CEACAM19: variants seen among roughly 807,000 people sequenced by gnomAD.
CEACAM19 encodes the protein CEA cell adhesion molecule 19, also known as cell adhesion molecule CEACAM19.
A neutral mutation model predicts 37.6 loss-of-function variants in CEACAM19; 37 were observed. That is an observed-to-expected ratio of 0.98 (90% CI 0.76 to 1.29). The LOEUF (loss-of-function observed/expected upper bound fraction) is 1.29, where lower values mean the gene tolerates loss of function less well. Among genes scored for constraint, CEACAM19 ranks in the 50% most tolerant of loss-of-function variants. CEACAM19 has a pLI of 0.00. For synonymous variants in CEACAM19, 140 were observed against 149.8 expected (o/e 0.93, Z 0.48); for missense variants, 340 against 375.6 (o/e 0.91, Z 0.78).
chr19:44,668,051 TATATATAAATATATA>T (rs912007024), upstream of CEACAM19, among the ~76,000 whole-genome samples: 17 of 86,698 alleles, frequency 2.0e-4, no homozygotes, highest in African/African-American at 6.2e-4. Context: ...TATGTTTATG[TATATATAAATATATA>T]ATATATAAAT....
upstream of CEACAM19, among the ~76,000 whole-genome samples, chr19:44,670,157 T>A (rs1390393721): frequency 6.6e-6 from 1 of 151,130 alleles, no homozygotes; most frequent in African/African-American, 2.4e-5. Context: ...ATCCCATCTC[T>A]ACAAAACATA....
At chr19:44,683,377 C>T (rs1974099277) in intron 7 of CEACAM19, 60 bp from the exon 8 acceptor site, 1 of 668,178 alleles carries the variant, frequency 1.5e-6, no homozygotes, top group Non-Finnish European at 2.7e-6. Context: ...CCCTCTCTGT[C>T]TCCCCAAGAC....
At chr19:44,681,184 G>A in intron 5 of CEACAM19, 43 bp from the exon 6 acceptor site, 1 of 1,370,326 alleles carries the variant, frequency 7.3e-7, no homozygotes, top group Non-Finnish European at 1.0e-6. Context: ...GTGGCCTGTG[G>A]GGCCCATGTG....
At chr19:44,667,759 T>A (rs1371546928), upstream of CEACAM19, among the ~76,000 whole-genome samples, 1 of 74,790 alleles carries the variant, frequency 1.3e-5, no homozygotes, top group East Asian at 4.1e-4. Flanking sequence ...ATTATATAAA[T>A]TATATATATT....
intron 5 of CEACAM19, 91 bp downstream of exon 5, chr19:44,680,425 C>A: frequency 8.5e-7 from 1 of 1,177,114 alleles, no homozygotes; most frequent in Non-Finnish European, 1.2e-6. Flanking sequence ...TTCTCCCTCA[C>A]TCAGAGACCT....
upstream of CEACAM19, among the ~76,000 whole-genome samples, chr19:44,666,722 C>T (rs114484845): frequency 4.3e-3 from 646 of 151,398 alleles, 8 homozygotes; most frequent in African/African-American, 0.015. Flanking sequence ...ATCTTCCAGG[C>T]ATTAAGGAAC....
upstream of CEACAM19, among the ~76,000 whole-genome samples, chr19:44,670,781 G>GAAAAAAAAAAAA (rs74691226): frequency 1.7e-5 from 1 of 58,156 alleles, no homozygotes; most frequent in Non-Finnish European, 4.9e-5. Flanking sequence ...CCTGTCTCAA[G>GAAAAAAAAAAAA]AAAAAAAAAA....
At chr19:44,683,263 G>T in intron 7 of CEACAM19, 174 bp from the exon 8 acceptor site, 3 of 476,728 alleles carry the variant, frequency 6.3e-6, no homozygotes, top group East Asian at 3.3e-5. Flanking sequence ...TCATTTCTTG[G>T]CTCTTCCAGG....
At chr19:44,682,210 A>G (rs1424984277) in intron 6 of CEACAM19, among the ~76,000 whole-genome samples, 1 of 152,194 alleles carries the variant, frequency 6.6e-6, no homozygotes, top group African/African-American at 2.4e-5. Flanking sequence ...TGATTGCACA[A>G]CTGCACTCTG....
chr19:44,672,102 A>G, intron 1 of CEACAM19, 116 bp downstream of exon 1: 1 of 842,484 alleles, frequency 1.2e-6, no homozygotes, highest in Non-Finnish European at 1.9e-6. Flanking sequence ...TTAGAATAAG[A>G]TGGGGGAGGG....
intron 2 of CEACAM19, among the ~76,000 whole-genome samples, chr19:44,674,137 T>A (rs1007118168): frequency 6.6e-6 from 1 of 151,728 alleles, no homozygotes; most frequent in Non-Finnish European, 1.5e-5. Flanking sequence ...TGCCAGCCAC[T>A]TGGGAGGCAG....
intron 4 of CEACAM19, among the ~76,000 whole-genome samples, chr19:44,679,750 A>G (rs1974020458): frequency 6.9e-6 from 1 of 145,754 alleles, no homozygotes; most frequent in Non-Finnish European, 1.5e-5. Context: ...CTCTGTCTCA[A>G]AAAAAAAAAT....
chr19:44,674,409 A>G (rs562934982), intron 2 of CEACAM19, among the ~76,000 whole-genome samples: 195 of 152,110 alleles, frequency 1.3e-3, no homozygotes, highest in African/African-American at 4.6e-3. Flanking sequence ...GCCTCAAGCA[A>G]TCCTTCCACC....
chr19:44,673,327 C>T (rs151154550), intron 2 of CEACAM19, among the ~76,000 whole-genome samples: 176 of 152,246 alleles, frequency 1.2e-3, no homozygotes, highest in African/African-American at 3.5e-3. Flanking sequence ...TGAATCCACT[C>T]GGGGCAAAGT....
At chr19:44,672,248 T>C (rs1220997558) in intron 1 of CEACAM19, among the ~76,000 whole-genome samples, 1 of 152,180 alleles carries the variant, frequency 6.6e-6, no homozygotes, top group Non-Finnish European at 1.5e-5. Context: ...AGTTTAGATG[T>C]ATTACATATA....
chr19:44,676,111 G>A (rs1038408286), intron 2 of CEACAM19, among the ~76,000 whole-genome samples, 160 bp from the exon 3 acceptor site: 2 of 152,080 alleles, frequency 1.3e-5, no homozygotes, highest in African/African-American at 4.8e-5. Flanking sequence ...CAGATGGTTG[G>A]ATACTCAGAT....
chr19:44,674,748 T>C (rs763775892), intron 2 of CEACAM19, among the ~76,000 whole-genome samples: 1 of 152,030 alleles, frequency 6.6e-6, no homozygotes, highest in East Asian at 1.9e-4. Flanking sequence ...ATAGAAAAAA[T>C]TTTACAGAAA....
intron 1 of CEACAM19, 53 bp from the exon 2 acceptor site, chr19:44,672,543 C>T: frequency 2.1e-6 from 3 of 1,432,578 alleles, no homozygotes; most frequent in Non-Finnish European, 2.8e-6. Context: ...AGGAGCATGC[C>T]ATGGTCCCTG....
At chr19:44,666,001 G>C (rs1183341642) in intron 1 of CEACAM19, 1 of 152,320 alleles carries the variant, frequency 6.6e-6, no homozygotes. Context: ...CTGGGGCTGG[G>C]GAGAGGCCCA....
Sources: gnomAD v4.1 joint callset for allele counts (sites outside exome capture counted in the v4.1 genomes callset) on GRCh38, gnomAD v4.1.1 for gene constraint, MANE v1.5 for transcripts, NCBI Gene and HGNC (gene_info 2026-07-23, HGNC 2026-07-21) for gene names.